CPN1: variants seen among roughly 807,000 people sequenced by gnomAD.
CPN1 encodes carboxypeptidase N catalytic chain.
In CPN1, 37 loss-of-function variants were observed where a neutral mutation model predicts 46.4. That is an observed-to-expected ratio of 0.80 (90% confidence interval 0.61 to 1.05). The LOEUF (loss-of-function observed/expected upper bound fraction) is 1.05, where lower values mean the gene tolerates loss of function less well. CPN1 is among the 50% of genes least tolerant of loss of function. The probability of loss-of-function intolerance (pLI) is 0.00; values close to 1 mark genes in which losing one functional copy is unlikely to be tolerated. For synonymous variants in CPN1, 224 were observed against 235.4 expected, an observed-to-expected ratio of 0.95 and a Z score of 0.44; for missense variants, 563 against 602.6, an observed-to-expected ratio of 0.93 and a Z score of 0.69.
chr10:100,071,319 T>C (rs2041483430), intron 2 of CPN1, among the ~76,000 whole-genome samples: 1 of 152,174 alleles, frequency 6.6e-6, no homozygotes, highest in Non-Finnish European at 1.5e-5. Context: ...AGGCTAGAAG[T>C]TGTAATCAAG....
chr10:100,078,666 A>G (rs1227204836), intron 1 of CPN1, among the ~76,000 whole-genome samples: 1 of 152,238 alleles, frequency 6.6e-6, no homozygotes, highest in Non-Finnish European at 1.5e-5. Context: ...TTATGTTCCC[A>G]TAAAACTTCA....
intron 4 of CPN1, among the ~76,000 whole-genome samples, chr10:100,064,547 A>G (rs948239987): frequency 1.3e-5 from 2 of 151,324 alleles, no homozygotes; most frequent in African/African-American, 4.9e-5. Context: ...TGCCTGGTTA[A>G]TTTTTTTATT....
At chr10:100,070,222 C>G (rs528929939) in intron 2 of CPN1, among the ~76,000 whole-genome samples, 1 of 151,880 alleles carries the variant, frequency 6.6e-6, no homozygotes, top group African/African-American at 2.4e-5. Context: ...TGGCTCACAC[C>G]TGTAATCTCA....
At chr10:100,054,719 G>C (rs1260950092) in intron 6 of CPN1, among the ~76,000 whole-genome samples, 3 of 151,882 alleles carry the variant, frequency 2.0e-5, no homozygotes, top group African/African-American at 7.3e-5. Flanking sequence ...TAAAGTTCTT[G>C]TGATGGTCTG....
At chr10:100,056,661 C>T (rs1329673818) in intron 6 of CPN1, among the ~76,000 whole-genome samples, 1 of 151,896 alleles carries the variant, frequency 6.6e-6, no homozygotes, top group African/African-American at 2.4e-5. Context: ...GCGATCCTCC[C>T]ACCTCATCCT....
chr10:100,055,973 C>T (rs1301268426), intron 6 of CPN1, among the ~76,000 whole-genome samples: 1 of 152,202 alleles, frequency 6.6e-6, no homozygotes, highest in African/African-American at 2.4e-5. Flanking sequence ...GTGCAAATAT[C>T]TCTTTGAGGC....
chr10:100,075,584 A>T (rs555948525), intron 2 of CPN1, among the ~76,000 whole-genome samples: 5 of 152,322 alleles, frequency 3.3e-5, no homozygotes, highest in African/African-American at 1.2e-4. Context: ...ATCCCTCCAC[A>T]TCTGTTGAGT....
chr10:100,042,553 T>G lies in CPN1; in HGVS notation c.1251A>C (p.Arg417Ser), dbSNP rs1184719590. The change falls in exon 9 of 9, where the codon AGA (arginine) becomes AGC (serine). Residue 417 changes from arginine to serine, a missense_variant. Arg to Ser is a moderately radical substitution (Grantham distance 110). Transcript: ENST00000370418. ...TCACAGGGCTTACTTGAGGGATGCT[T>G]CTTTTGAGGTGGAAGTTAACCTGGA... ...EPTLVNFHLKRSIPQVSPVRR... is the reference protein window; with the variant it reads ...EPTLVNFHLKSSIPQVSPVRR... The G allele has an allele frequency of 1.2e-6, 2 of 1,613,868 alleles. No homozygotes were observed. Among genetic ancestry groups the G allele is most frequent in the South Asian group, 2.2e-5 (2 of 91,088 alleles).
At chr10:100,065,587 T>G (rs1385423125) in intron 3 of CPN1, among the ~76,000 whole-genome samples, 1 of 152,188 alleles carries the variant, frequency 6.6e-6, no homozygotes, top group Non-Finnish European at 1.5e-5. Flanking sequence ...CAAAATGAAA[T>G]CTTATGTGGA....
chr10:100,081,306 G>A, intron 1 of CPN1, 97 bp downstream of exon 1: 1 of 1,012,086 alleles, frequency 9.9e-7, no homozygotes, highest in Non-Finnish European at 1.5e-6. Flanking sequence ...CTTGTAGGCG[G>A]AGGCGTCCAC....
intron 8 of CPN1, among the ~76,000 whole-genome samples, chr10:100,043,927 G>A (rs545135089): frequency 6.6e-6 from 1 of 152,236 alleles, no homozygotes; most frequent in South Asian, 2.1e-4. Context: ...ACAAATGTGG[G>A]ACATTCTGGG....
chr10:100,078,825 TCTTTA>T (rs2041528973), intron 1 of CPN1, among the ~76,000 whole-genome samples: 1 of 152,166 alleles, frequency 6.6e-6, no homozygotes, highest in Admixed American at 6.5e-5. Context: ...AAAGCCCAGA[TCTTTA>T]CCAGGGCCTA....
intron 8 of CPN1, among the ~76,000 whole-genome samples, chr10:100,042,900 C>T (rs951024895): frequency 6.6e-5 from 10 of 151,586 alleles, no homozygotes; most frequent in African/African-American, 1.7e-4. Flanking sequence ...AAGACCACAC[C>T]GGGCAATATG....
At chr10:100,057,910 C>T (rs780195686) in intron 5 of CPN1, among the ~76,000 whole-genome samples, 2 of 152,052 alleles carry the variant, frequency 1.3e-5, no homozygotes, top group Non-Finnish European at 1.5e-5. Context: ...TGAACTCTGG[C>T]GAGGGCTAAT....
intron 8 of CPN1, among the ~76,000 whole-genome samples, chr10:100,044,501 A>G (rs113582392): frequency 0.052 from 7,882 of 152,022 alleles, 230 homozygotes; most frequent in Admixed American, 0.061. Flanking sequence ...CAGCCTCCCA[A>G]GTAGCTGGCA....
At chr10:100,078,851 C>T (rs185621340) in intron 1 of CPN1, among the ~76,000 whole-genome samples, 3 of 152,336 alleles carry the variant, frequency 2.0e-5, no homozygotes, top group South Asian at 2.1e-4. Context: ...TGAGGCCCTG[C>T]GTGATCTCCT....
intron 7 of CPN1, among the ~76,000 whole-genome samples, chr10:100,051,324 T>C (rs1249084322): frequency 6.6e-6 from 1 of 152,150 alleles, no homozygotes; most frequent in African/African-American, 2.4e-5. Context: ...TGTTGGATAG[T>C]TGAAATGACA....
Position 100,081,715 on chromosome 10 carries a change from C to T in CPN1, c.-90G>A, listed in dbSNP as rs2041548571. 9.4e-7 allele frequency: 1 copy of T among 1,067,428 alleles called. No individual in the cohort carries two copies. Among genetic ancestry groups the T allele is most frequent in the African/African-American group, 1.6e-5 (1 of 64,166 alleles). The allele number at this position is 1,067,428 out of a possible 1,614,324, so 66.1% of individuals were successfully genotyped here. On this transcript the variant is annotated 5_prime_UTR_variant, in exon 1 of 9. It adds an upstream start codon to the 5' untranslated region. Transcript: ENST00000370418. ...TTCACCCGCCAAAATCCAAGGTCCACCTAGCTTCCCGCTTGTAAACACCAG... is the reference window on the plus strand; with the variant it reads ...TTCACCCGCCAAAATCCAAGGTCCATCTAGCTTCCCGCTTGTAAACACCAG...
At chr10:100,056,423 T>C (rs117231340) in intron 6 of CPN1, among the ~76,000 whole-genome samples, 2,954 of 152,338 alleles carry the variant, frequency 0.019, 65 homozygotes, top group Non-Finnish European at 0.027. Context: ...TCTTTTAACA[T>C]GTTATACAAT....
Sources: gnomAD v4.1 joint callset for allele counts (sites outside exome capture counted in the v4.1 genomes callset) on GRCh38, gnomAD v4.1.1 for gene constraint, MANE v1.5 for transcripts, NCBI Gene and HGNC (gene_info 2026-07-23, HGNC 2026-07-21) for gene names.